The following CAPN10 variants were observed in gnomAD, a reference collection of about 807,000 sequenced individuals.
The protein encoded by CAPN10 is calpain-10.
In CAPN10, 71 loss-of-function variants were observed where a neutral mutation model predicts 78.4. The observed-to-expected ratio is 0.91, with a 90% confidence interval of 0.75 to 1.10. The LOEUF is 1.10. Ranked by LOEUF, CAPN10 falls within the 50% of genes least tolerant of loss-of-function variation. The probability of loss-of-function intolerance (pLI) is 0.00; values close to 1 mark genes in which losing one functional copy is unlikely to be tolerated. For missense variants in CAPN10, 849 were observed against 924.6 expected (o/e 0.92, Z 1.06); for synonymous variants, 437 against 407.2 (o/e 1.07, Z -0.88).
Position 240,592,066 on chromosome 2 carries a change from C to A in CAPN10, c.604C>A (p.Arg202Ser), listed in dbSNP as rs775701945. 1.9e-6 allele frequency: 3 copies of A among 1,607,752 alleles called. No homozygotes were observed. Among genetic ancestry groups the A allele is most frequent in the Admixed American group, 3.4e-5 (2 of 58,736 alleles). The change falls in exon 4 of 12, where the codon CGC (arginine) becomes AGC (serine). Residue 202 changes from arginine to serine, a missense_variant. Arg to Ser is a moderately radical substitution (Grantham distance 110). Transcript: ENST00000391984. ...GSGGQQDRPG[R>S]WEHRTCRQLL... is the part of the protein sequence containing the mutation. ...CGGAGGCCAGCAGGACAGGCCAGGCCGCTGGGAGCACAGGACTTGTCGGCA... is the reference window on the plus strand; with the variant it reads ...CGGAGGCCAGCAGGACAGGCCAGGCAGCTGGGAGCACAGGACTTGTCGGCA...
Position 240,586,789 on chromosome 2 carries a change from G to T in CAPN10, c.-123G>T. 9.9e-7 allele frequency: 1 copy of T among 1,008,756 alleles called. No individual in the cohort carries two copies. Among genetic ancestry groups the T allele is most frequent in the Non-Finnish European group, 1.3e-6 (1 of 768,988 alleles). The allele number at this position is 1,008,756 out of a possible 1,614,324, so 62.5% of individuals were successfully genotyped here. On this transcript the variant is annotated 5_prime_UTR_variant, in exon 1 of 12. Coordinates refer to ENST00000391984, the MANE Select transcript of CAPN10 (RefSeq NM_023083.4). ...CAGCACCTGCGGGGCCCTCGGGCTT[G>T]GAGGGCTGGGCCGGGCGGGGAACGG...
In CAPN10 at chr2:240,586,817, G is replaced by A; in HGVS notation, c.-95G>A. ...GGGCTGGGCCGGGCGGGGAACGGGC[G>A]GGGCGGGCCGGAGGCGGCGGCGGCT... On this transcript the variant is annotated 5_prime_UTR_variant, in exon 1 of 12. Transcript: ENST00000391984. 1 of 1,212,106 alleles carries A rather than the reference G, an allele frequency of 8.3e-7. No homozygotes were observed. Among genetic ancestry groups the A allele is most frequent in the Non-Finnish European group, 1.1e-6 (1 of 950,264 alleles). 75.1% of individuals were successfully genotyped at this position (1,212,106 alleles called of 1,614,324 possible).
intron 7 of CAPN10, chr2:240,595,512 C>T: frequency 1.6e-6 from 1 of 619,390 alleles, no homozygotes; most frequent in Non-Finnish European, 2.8e-6. Context: ...GTCTTTCTGC[C>T]TTGCCGTGTG....
chr2:240,593,411 C>G (rs1261400302), intron 4 of CAPN10, among the ~76,000 whole-genome samples: 2 of 152,248 alleles, frequency 1.3e-5, no homozygotes, highest in East Asian at 1.9e-4. Context: ...CTATGCCCAT[C>G]TGTCTCAAGG....
chr2:240,588,642 G>A (rs1328326066), intron 1 of CAPN10, among the ~76,000 whole-genome samples: 2 of 152,226 alleles, frequency 1.3e-5, no homozygotes, highest in African/African-American at 4.8e-5. Context: ...CAGTTTAGGG[G>A]CCATGATTGG....
Position 240,586,750 on chromosome 2 carries a change from G to T in CAPN10, c.-162G>T. The T allele has an allele frequency of 1.8e-6, 1 of 565,878 alleles. No individual in the cohort carries two copies. The highest frequency in any genetic ancestry group is 6.5e-5 in the South Asian group (1 of 15,448). 35.1% of individuals were successfully genotyped at this position (565,878 alleles called of 1,614,324 possible). On this transcript the variant is annotated 5_prime_UTR_variant, in exon 1 of 12. Coordinates refer to ENST00000391984, the MANE Select transcript of CAPN10 (RefSeq NM_023083.4). Reference sequence around the variant, plus strand: ...ACCAATGGGAGACTAGCGGGCCGGCGTACTGGCCTGGTCCAGCACCTGCGG... The same window carrying T: ...ACCAATGGGAGACTAGCGGGCCGGCTTACTGGCCTGGTCCAGCACCTGCGG...
Position 240,596,716 on chromosome 2 carries a change from G to T in CAPN10, c.1517G>T (p.Gly506Val). 1.3e-6 allele frequency: 2 copies of T among 1,576,920 alleles called. No individual in the cohort carries two copies. Among genetic ancestry groups the T allele is most frequent in the Non-Finnish European group, 1.7e-6 (2 of 1,160,000 alleles). ...GCAGTGGCCAAGAACACCACCCCCG[G>T]GGCAGCCCTGCCTGCGGGGGAGTGG... ...IRAVAKNTTP[G>V]AALPAGEWGT... is the part of the protein sequence containing the mutation. The change falls in exon 9 of 12, where the codon GGG becomes GTG. Residue 506 changes from glycine to valine, a missense_variant. Gly to Val is a moderately radical substitution (Grantham distance 109). Transcript: ENST00000391984.
intron 1 of CAPN10, among the ~76,000 whole-genome samples, chr2:240,587,743 G>A (rs1307950589): frequency 6.6e-6 from 1 of 152,242 alleles, no homozygotes; most frequent in African/African-American, 2.4e-5. Flanking sequence ...ACACTGAAGG[G>A]CCTGGGAGGA....
chr2:240,598,380 G>T lies in CAPN10; in HGVS notation c.1972G>T (p.Gly658Cys), dbSNP rs760541896. The T allele has an allele frequency of 1.2e-6, 2 of 1,613,814 alleles. No homozygotes were observed. The change falls in exon 11 of 12, where the codon GGC (glycine) becomes TGC (cysteine). Residue 658 changes from glycine to cysteine, a missense_variant. Transcript: ENST00000391984. Reference protein sequence around the residue: ...RPSIHSQEMLGQFLQEVSIMA... With the variant: ...RPSIHSQEMLCQFLQEVSIMA... ...ATCCATTCACAGCCAGGAGATGCTGGGCCAGTTCCTCCAAGAGGTGTGTAT... is the reference window on the plus strand; with the variant it reads ...ATCCATTCACAGCCAGGAGATGCTGTGCCAGTTCCTCCAAGAGGTGTGTAT...
chr2:240,598,704 C>T lies in CAPN10; in HGVS notation c.*24C>T, dbSNP rs778050982. The T allele has an allele frequency of 1.3e-6, 2 of 1,565,326 alleles. No individual in the cohort carries two copies. Among genetic ancestry groups the T allele is most frequent in the East Asian group, 4.6e-5 (2 of 43,148 alleles). ...AACAGGGTGGCCCCCTGTGCCAGCT[C>T]AGGTGACTGGAGCCCGAGGGCCTGA... On this transcript the variant is annotated 3_prime_UTR_variant, in exon 12 of 12. Coordinates refer to ENST00000391984, the MANE Select transcript of CAPN10 (RefSeq NM_023083.4).
In CAPN10 at chr2:240,596,331, C is replaced by T. The variant is rs369837274; in HGVS notation, c.1291C>T (p.Arg431Trp). ...GLHLWKVEKRRVNLPRVLSMP... is the reference protein window; with the variant it reads ...GLHLWKVEKRWVNLPRVLSMP... ...CACGTGCTCACAGGTAGAGAAGCGG[C>T]GGGTCAATCTGCCTAGGGTCCTGTC... Residue 431 changes from arginine to tryptophan, a missense_variant, in exon 8 of 12, where the codon CGG (arginine) becomes TGG (tryptophan). Transcript: ENST00000391984. 1.4e-5 allele frequency: 23 copies of T among 1,599,346 alleles called. No homozygotes were observed. In the African/African-American group the frequency reaches 1.7e-4, roughly 12 times the overall value.
At chr2:240,594,460 C>G in intron 5 of CAPN10, 83 bp from the exon 6 acceptor site, 1 of 1,453,632 alleles carries the variant, frequency 6.9e-7, no homozygotes, top group African/African-American at 1.4e-5. Flanking sequence ...TCTGGGTCCC[C>G]TCCAGGCTTC....
At position 240,590,834 on chromosome 2, in the gene CAPN10, C is replaced by T. The variant is rs904376200; in HGVS notation, c.293C>T (p.Pro98Leu). ...LLDQVIPPGQPSWADQEYRGS... is the reference protein window; with the variant it reads ...LLDQVIPPGQLSWADQEYRGS... The stretch of plus-strand genomic sequence containing the variant: ...TGGCAGGTCATTCCTCCGGGACAGC[C>T]GAGCTGGGCCGACCAGGAGTACCGG... The change falls in exon 3 of 12, where the codon CCG (proline) becomes CTG (leucine). Residue 98 changes from proline to leucine, a missense_variant. Coordinates refer to ENST00000391984, the MANE Select transcript of CAPN10 (RefSeq NM_023083.4). 9.3e-6 allele frequency: 15 copies of T among 1,614,040 alleles called. No homozygotes were observed. The highest frequency in any genetic ancestry group is 1.3e-5 in the African/African-American group (1 of 74,950).
At chr2:240,588,491 A>G (rs2093082148) in intron 1 of CAPN10, among the ~76,000 whole-genome samples, 2 of 152,034 alleles carry the variant, frequency 1.3e-5, no homozygotes, top group Non-Finnish European at 1.5e-5. Context: ...GCCTCACAGA[A>G]GCTGAGTGGG....
In CAPN10 at chr2:240,598,768, G is replaced by T. The variant is rs927728842; in HGVS notation, c.*88G>T. The T allele has an allele frequency of 1.2e-5, 16 of 1,284,542 alleles. No homozygotes were observed. The highest frequency in any genetic ancestry group is 2.9e-5 in the African/African-American group (2 of 68,030). 79.6% of individuals were successfully genotyped at this position (1,284,542 alleles called of 1,614,324 possible). On this transcript the variant is annotated 3_prime_UTR_variant, in exon 12 of 12. Coordinates refer to ENST00000391984, the MANE Select transcript of CAPN10 (RefSeq NM_023083.4). ...GCTGGGCCGGCCAGCCTTGCACTGT[G>T]GGGGCTGGTCCTGAGTCTTGGCCTG...
Position 240,592,050 on chromosome 2 carries a change from G to GCAGGA in CAPN10, c.593_597dup (p.Pro200ThrfsTer17). 1 of 1,611,714 alleles carries GCAGGA rather than the reference G, an allele frequency of 6.2e-7. No individual in the cohort carries two copies. The highest frequency in any genetic ancestry group is 8.5e-7 in the Non-Finnish European group (1 of 1,179,520). On this transcript the variant is annotated frameshift_variant, in exon 4 of 12. Coordinates refer to ENST00000391984, the MANE Select transcript of CAPN10 (RefSeq NM_023083.4). LOFTEE classifies it high-confidence loss of function. ...AGGGCGTAGCAGGAAGCGGAGGCCA[G>GCAGGA]CAGGACAGGCCAGGCCGCTGGGAGC... is the stretch of plus-strand genomic sequence containing the variant.
intron 5 of CAPN10, chr2:240,594,276 A>ACGGGCT (rs1345833319): frequency 5.2e-6 from 3 of 579,334 alleles, no homozygotes; most frequent in Non-Finnish European, 9.0e-6. Flanking sequence ...AGACATCATC[A>ACGGGCT]CGGGCTCGGG....
Position 240,597,996 on chromosome 2 carries a change from C to T in CAPN10, c.1852C>T (p.Leu618=), listed in dbSNP as rs2093148122. The part of the protein sequence containing the change: ...YAQEVSRLCL[L]PAGTYKVVPS... ...CCAGGAGGTGAGCCGGCTCTGCCTC[C>T]TGCCTGCGGGCACCTACAAGGTTGT... The change falls in exon 10 of 12, where the codon CTG becomes TTG. Residue 618 remains leucine (L), a synonymous_variant. Transcript: ENST00000391984. The T allele has an allele frequency of 6.2e-7, 1 of 1,613,122 alleles. No homozygotes were observed. The highest frequency in any genetic ancestry group is 8.5e-7 in the Non-Finnish European group (1 of 1,179,968).
chr2:240,598,190 C>A, intron 10 of CAPN10, 103 bp downstream of exon 10: 1 of 1,331,516 alleles, frequency 7.5e-7, no homozygotes, highest in South Asian at 1.3e-5. Flanking sequence ...CACCCTCAAG[C>A]CCCTATCTGT....
Sources: gnomAD v4.1 joint callset for allele counts (sites outside exome capture counted in the v4.1 genomes callset) on GRCh38, gnomAD v4.1.1 for gene constraint, MANE v1.5 for transcripts, NCBI Gene and HGNC (gene_info 2026-07-23, HGNC 2026-07-21) for gene names.